Variants in ERBB4 observed in about 807,000 individuals in gnomAD.
The protein encoded by ERBB4 is erb-b2 receptor tyrosine kinase 4.
In ERBB4, 42 loss-of-function variants were observed where a neutral mutation model predicts 158.0. The observed-to-expected ratio is 0.27, with a 90% CI of 0.21 to 0.34. The LOEUF (loss-of-function observed/expected upper bound fraction) is 0.34. ERBB4 is among the 10% of genes least tolerant of loss of function. The probability of loss-of-function intolerance (pLI) is 1.00; values close to 1 mark genes in which losing one functional copy is unlikely to be tolerated. For synonymous variants in ERBB4, 583 were observed against 558.7 expected (o/e 1.04, Z -0.61); for missense variants, 1,333 against 1,624.1 (o/e 0.82, Z 3.08).
At chr2:211,515,912 A>ATATATTTTT (rs35696520) in intron 20 of ERBB4, among the ~76,000 whole-genome samples, 2 of 78,976 alleles carry the variant, frequency 2.5e-5, no homozygotes, top group African/African-American at 1.1e-4. Context: ...ATATATATAT[A>ATATATTTTT]TTTTTTTTTT....
At chr2:211,878,592 T>C (rs1233355870) in intron 3 of ERBB4, among the ~76,000 whole-genome samples, 1 of 151,274 alleles carries the variant, frequency 6.6e-6, no homozygotes, top group African/African-American at 2.4e-5. Context: ...ATGAATATTT[T>C]AAACATGGCA....
chr2:211,946,078 A>C (rs1478106911), intron 3 of ERBB4, among the ~76,000 whole-genome samples: 1 of 151,928 alleles, frequency 6.6e-6, no homozygotes, highest in Non-Finnish European at 1.5e-5. Flanking sequence ...TTTAGTAAAA[A>C]AACTCCATTC....
At chr2:211,753,352 T>C (rs1190184089) in intron 4 of ERBB4, among the ~76,000 whole-genome samples, 2 of 152,146 alleles carry the variant, frequency 1.3e-5, no homozygotes, top group African/African-American at 4.8e-5. Context: ...GATTATTTCA[T>C]AAGTACCTTC....
In ERBB4 at chr2:212,322,106, G is replaced by A. The variant is rs192573490; in HGVS notation, c.83-197203C>T. On this transcript the variant is annotated intron_variant, in intron 1 of 27. Transcript: ENST00000342788. ...TATAACTCTGAACTTTGAAAATTGA[G>A]CCTCTATGCATGTATGTAAAATGCT... 3.3e-4 allele frequency among the ~76,000 whole-genome samples: 50 copies of A among 150,370 alleles called. 2 individuals are homozygous for A. In the Middle Eastern group the frequency reaches 0.021, roughly 62 times the overall value.
At position 212,514,974 on chromosome 2, in the gene ERBB4, G is replaced by A. The variant is rs114021198; in HGVS notation, c.82+23475C>T. Among the ~76,000 whole-genome samples the A allele has an allele frequency of 9.9e-3, 1,506 of 152,194 alleles. 28 individuals carry two copies. Among genetic ancestry groups the A allele is most frequent in the African/African-American group, 0.034 (1,420 of 41,512 alleles). ...AGCTTCTTGTATGAGGGAAAAATGT[G>A]AAAATATTTTTAAAAGGAGCATATA... On this transcript the variant is annotated intron_variant, in intron 1 of 27. Coordinates refer to ENST00000342788, the MANE Select transcript of ERBB4 (RefSeq NM_005235.3).
At chr2:211,936,234 A>T (rs1412439478) in intron 3 of ERBB4, among the ~76,000 whole-genome samples, 1 of 152,098 alleles carries the variant, frequency 6.6e-6, no homozygotes, top group Non-Finnish European at 1.5e-5. Context: ...CCACTTAAAA[A>T]AAAAAGACCA....
intron 16 of ERBB4, among the ~76,000 whole-genome samples, chr2:211,632,335 A>C (rs1435730906): frequency 6.6e-6 from 1 of 152,092 alleles, no homozygotes; most frequent in East Asian, 1.9e-4. Flanking sequence ...GTTTCAACCA[A>C]AGGTATAATT....
intron 1 of ERBB4, among the ~76,000 whole-genome samples, chr2:212,230,229 G>A (rs978897490): frequency 2.6e-5 from 4 of 152,060 alleles, no homozygotes; most frequent in African/African-American, 9.7e-5. Flanking sequence ...AGGTTGCAGT[G>A]AGCTGAGATC....
At chr2:211,436,001 G>T (rs577791619) in intron 20 of ERBB4, among the ~76,000 whole-genome samples, 1 of 151,972 alleles carries the variant, frequency 6.6e-6, no homozygotes, top group African/African-American at 2.4e-5. Context: ...CTGTCATCCA[G>T]GCTGGAGTGC....
chr2:211,860,624 A>G (rs2077986416), intron 3 of ERBB4, among the ~76,000 whole-genome samples: 4 of 152,014 alleles, frequency 2.6e-5, no homozygotes, highest in Admixed American at 2.6e-4. Flanking sequence ...TGCTAGTACA[A>G]TTAAAGTTTA....
chr2:211,754,584 T>G (rs2075243365), intron 4 of ERBB4, among the ~76,000 whole-genome samples: 1 of 151,890 alleles, frequency 6.6e-6, no homozygotes, highest in African/African-American at 2.4e-5. Flanking sequence ...ATTTTTTGTA[T>G]TTTTAGTAGG....
At chr2:211,610,864 A>G (rs1164048707) in intron 19 of ERBB4, among the ~76,000 whole-genome samples, 1 of 152,196 alleles carries the variant, frequency 6.6e-6, no homozygotes, top group Non-Finnish European at 1.5e-5. Context: ...TCGGAGAAAC[A>G]GAGGCAGACA....
intron 2 of ERBB4, among the ~76,000 whole-genome samples, chr2:212,071,465 G>A (rs1302000026): frequency 1.3e-5 from 2 of 151,906 alleles, no homozygotes; most frequent in African/African-American, 4.8e-5. Flanking sequence ...GGGTAATGCA[G>A]CCTAAGGTTT....
intron 1 of ERBB4, among the ~76,000 whole-genome samples, chr2:212,376,356 CA>C (rs2090321440): frequency 6.6e-6 from 1 of 152,064 alleles, no homozygotes; most frequent in Non-Finnish European, 1.5e-5. Context: ...AAGGTTGTGG[CA>C]ACAGTTTTTT....
At chr2:212,196,497 G>T (rs2082431372) in intron 1 of ERBB4, among the ~76,000 whole-genome samples, 1 of 152,028 alleles carries the variant, frequency 6.6e-6, no homozygotes, top group Non-Finnish European at 1.5e-5. Context: ...AAAAATTCAT[G>T]TCTAAGTGGG....
At chr2:212,140,117 A>C (rs2080403273) in intron 1 of ERBB4, among the ~76,000 whole-genome samples, 1 of 151,680 alleles carries the variant, frequency 6.6e-6, no homozygotes, top group Non-Finnish European at 1.5e-5. Flanking sequence ...AAAATGTATT[A>C]ACTGTTTGAG....
At chr2:211,667,933 C>T (rs865878800) in intron 14 of ERBB4, among the ~76,000 whole-genome samples, 1 of 151,880 alleles carries the variant, frequency 6.6e-6, no homozygotes, top group Non-Finnish European at 1.5e-5. Context: ...ACTTAATGAC[C>T]GGGATATATT....
chr2:211,616,876 G>A (rs1441003491), intron 19 of ERBB4, among the ~76,000 whole-genome samples: 1 of 152,042 alleles, frequency 6.6e-6, no homozygotes, highest in Admixed American at 6.6e-5. Context: ...AACTTTTAAA[G>A]AGAACAGAGT....
At chr2:211,562,706 G>A in intron 19 of ERBB4, among the ~76,000 whole-genome samples, 1 of 150,474 alleles carries the variant, frequency 6.6e-6, no homozygotes, top group Middle Eastern at 3.2e-3. Flanking sequence ...AATTATAAGT[G>A]ATGTCTTATT....
Sources: allele counts gnomAD v4.1 joint callset (sites outside exome capture counted in the v4.1 genomes callset), GRCh38; gene constraint gnomAD v4.1.1; transcripts MANE v1.5; gene names NCBI Gene and HGNC (gene_info 2026-07-23, HGNC 2026-07-21).